ASXL2: variants seen among roughly 807,000 people sequenced by gnomAD.
The protein encoded by ASXL2 is putative Polycomb group protein ASXL2.
In ASXL2, 23 loss-of-function variants were observed where a neutral mutation model predicts 122.0. The observed-to-expected ratio is 0.19, with a 90% confidence interval of 0.14 to 0.27. The LOEUF (loss-of-function observed/expected upper bound fraction) is 0.27, where lower values mean the gene tolerates loss of function less well. Among genes scored for constraint, ASXL2 ranks in the 10% least tolerant of loss-of-function variants. The pLI is 1.00. For missense variants in ASXL2, 1,518 were observed against 1,713.8 expected (o/e 0.89, Z 2.02); for synonymous variants, 650 against 637.0 (o/e 1.02, Z -0.31).
intron 5 of ASXL2, among the ~76,000 whole-genome samples, chr2:25,772,959 A>C (rs561128958): frequency 6.6e-6 from 1 of 152,276 alleles, no homozygotes; most frequent in South Asian, 2.1e-4. Context: ...CTGTAATCCC[A>C]GTACTTTGGG....
At chr2:25,761,209 T>G (rs2088237041) in intron 8 of ASXL2, among the ~76,000 whole-genome samples, 1 of 152,180 alleles carries the variant, frequency 6.6e-6, no homozygotes, top group Non-Finnish European at 1.5e-5. Flanking sequence ...AACTGACAGT[T>G]GTACATTTGC....
rs1383302628 is a variant in ASXL2, at chr2:25,738,132, T to C, written c.*3897A>G. The C allele has an allele frequency of 1.3e-5, 2 of 152,180 alleles. No individual in the cohort carries two copies. The highest frequency in any genetic ancestry group is 3.8e-4 in the East Asian group (2 of 5,202). The allele number at this position is 152,180 out of a possible 1,614,324, so 9.4% of individuals were successfully genotyped here. A position where few individuals can be genotyped will look rare whatever the true frequency, so the allele number is the denominator to read the frequency against. ...GTGAGGTCCTACATCAAACATACCATATATGAGAAATTCAAAGTCTTCCAC... is the reference window on the plus strand; with the variant it reads ...GTGAGGTCCTACATCAAACATACCACATATGAGAAATTCAAAGTCTTCCAC... On this transcript the variant is annotated 3_prime_UTR_variant, in exon 13 of 13. Transcript: ENST00000435504.
At chr2:25,754,625 G>A (rs2149143455) in intron 10 of ASXL2, among the ~76,000 whole-genome samples, 1 of 151,936 alleles carries the variant, frequency 6.6e-6, no homozygotes, top group South Asian at 2.1e-4. Flanking sequence ...CCAAGTTGTT[G>A]TTCATAAAAT....
At chr2:25,826,649 C>A (rs957223535) in intron 3 of ASXL2, among the ~76,000 whole-genome samples, 2 of 151,058 alleles carry the variant, frequency 1.3e-5, no homozygotes, top group Non-Finnish European at 2.9e-5. Context: ...GGCCTTAAGG[C>A]CACAATGATT....
intron 1 of ASXL2, among the ~76,000 whole-genome samples, chr2:25,864,967 G>A (rs962956805): frequency 6.6e-6 from 1 of 151,540 alleles, no homozygotes; most frequent in Admixed American, 6.6e-5. Flanking sequence ...GAATACAGGC[G>A]CCTGCCACCG....
intron 5 of ASXL2, among the ~76,000 whole-genome samples, chr2:25,777,812 TCCTA>T (rs371858154): frequency 3.3e-5 from 5 of 152,174 alleles, no homozygotes; most frequent in African/African-American, 1.2e-4. Context: ...TTCTTTCTAC[TCCTA>T]CCTAAACTCC....
At chr2:25,839,358 A>G (rs1047324691) in intron 2 of ASXL2, among the ~76,000 whole-genome samples, 2 of 152,210 alleles carry the variant, frequency 1.3e-5, no homozygotes, top group Non-Finnish European at 2.9e-5. Context: ...ACTCTTCTCT[A>G]CTTACAAATG....
chr2:25,751,191 G>T (rs2088038716), intron 11 of ASXL2, among the ~76,000 whole-genome samples: 1 of 152,196 alleles, frequency 6.6e-6, no homozygotes, highest in African/African-American at 2.4e-5. Flanking sequence ...GCCTTCTTTG[G>T]TGACTTCAAA....
At chr2:25,799,346 C>T (rs1201690722) in intron 5 of ASXL2, 39 bp downstream of exon 5, 3 of 1,613,622 alleles carry the variant, frequency 1.9e-6, no homozygotes, top group Admixed American at 1.7e-5. Flanking sequence ...ATTTGTCCTA[C>T]AGCATTTAGT....
chr2:25,795,331 G>C (rs1158855503), intron 5 of ASXL2, among the ~76,000 whole-genome samples: 5 of 152,192 alleles, frequency 3.3e-5, no homozygotes, highest in Admixed American at 3.3e-4. Flanking sequence ...TATTCAATTT[G>C]ATATTACCTT....
chr2:25,864,061 T>G (rs1207615477), intron 1 of ASXL2, among the ~76,000 whole-genome samples: 1 of 148,754 alleles, frequency 6.7e-6, no homozygotes, highest in Non-Finnish European at 1.5e-5. Flanking sequence ...CTCAATTAAG[T>G]GAAGAAAGGT....
intron 5 of ASXL2, among the ~76,000 whole-genome samples, chr2:25,776,152 C>T (rs2088542794): frequency 6.6e-6 from 1 of 152,120 alleles, no homozygotes; most frequent in African/African-American, 2.4e-5. Flanking sequence ...ACATGTTAAC[C>T]GTTACTCATC....
Position 25,878,423 on chromosome 2 carries a change from G to T in ASXL2, c.-201C>A, listed in dbSNP as rs1040152227. On this transcript the variant is annotated 5_prime_UTR_variant, in exon 1 of 13. Transcript: ENST00000435504. ...TGGGGCGGCCGGTCCTCTTGCTGCC[G>T]TTGCCACTGCTACCGCCGCTGCCAT... 1.2e-5 allele frequency: 7 copies of T among 599,040 alleles called. No homozygotes were observed. The African/African-American group carries it at 1.3e-4, about 11-fold the overall frequency. 37.1% of individuals were successfully genotyped at this position (599,040 alleles called of 1,614,324 possible). A position where few individuals can be genotyped will look rare whatever the true frequency, so the allele number is the denominator to read the frequency against.
At chr2:25,749,313 G>A (rs1465631283) in intron 12 of ASXL2, among the ~76,000 whole-genome samples, 1 of 152,178 alleles carries the variant, frequency 6.6e-6, no homozygotes, top group Non-Finnish European at 1.5e-5. Context: ...AGGTCCTGAG[G>A]AGACAGTAGG....
chr2:25,854,204 T>C (rs1268137426), intron 1 of ASXL2, among the ~76,000 whole-genome samples: 1 of 152,182 alleles, frequency 6.6e-6, no homozygotes, highest in African/African-American at 2.4e-5. Context: ...CTGGAGGTTA[T>C]ACACACTCCC....
At chr2:25,835,061 T>C (rs1173586591) in intron 3 of ASXL2, among the ~76,000 whole-genome samples, 1 of 151,582 alleles carries the variant, frequency 6.6e-6, no homozygotes, top group African/African-American at 2.4e-5. Context: ...TGACCTCAAG[T>C]GATCCACCCA....
chr2:25,828,842 A>AC (rs1559522602), intron 3 of ASXL2, among the ~76,000 whole-genome samples: 13 of 150,636 alleles, frequency 8.6e-5, no homozygotes, highest in African/African-American at 3.2e-4. Flanking sequence ...AAAAAAAAAA[A>AC]AAAAAACAAC....
intron 3 of ASXL2, among the ~76,000 whole-genome samples, chr2:25,809,251 A>T: frequency 6.6e-6 from 1 of 151,910 alleles, no homozygotes; most frequent in Non-Finnish European, 1.5e-5. Flanking sequence ...TGGGACAAAA[A>T]TTTAGTTTCA....
intron 1 of ASXL2, among the ~76,000 whole-genome samples, chr2:25,864,454 T>C (rs1490908173): frequency 2.0e-5 from 3 of 152,032 alleles, no homozygotes; most frequent in African/African-American, 7.3e-5. Flanking sequence ...AGAAAAGAGA[T>C]TTCAAAAATC....
Sources: allele counts gnomAD v4.1 joint callset (sites outside exome capture counted in the v4.1 genomes callset), GRCh38; gene constraint gnomAD v4.1.1; transcripts MANE v1.5; gene names NCBI Gene and HGNC (gene_info 2026-07-23, HGNC 2026-07-21).